The following NTRK3 variants were observed in gnomAD, a reference collection of about 807,000 sequenced individuals.
NTRK3 encodes the protein neurotrophic receptor tyrosine kinase 3, also known as NT-3 growth factor receptor.
In NTRK3, 24 loss-of-function variants were observed where a neutral mutation model predicts 91.7. The ratio of observed to expected loss-of-function variants is 0.26; its 90% confidence interval spans 0.19 to 0.37. NTRK3 has a LOEUF of 0.37. NTRK3 is among the 10% of genes least tolerant of loss of function. The pLI, the probability that NTRK3 is intolerant of heterozygous loss-of-function variation, is 1.00. For synonymous variants in NTRK3, 483 were observed against 404.0 expected, an observed-to-expected ratio of 1.20 and a Z score of -2.34; for missense variants, 880 against 1,068.9, an observed-to-expected ratio of 0.82 and a Z score of 2.46.
At chr15:88,087,299 T>C (rs963344490) in intron 13 of NTRK3, among the ~76,000 whole-genome samples, 24 of 151,990 alleles carry the variant, frequency 1.6e-4, no homozygotes, top group African/African-American at 5.6e-4. Context: ...CTCCACTAGG[T>C]CTTTCTCCCT....
In NTRK3 at chr15:88,068,783, G is replaced by C. The variant is rs1049140802; in HGVS notation, c.1397-35738C>G. On this transcript the variant is annotated intron_variant, in intron 13 of 18. Coordinates refer to ENST00000394480, the Ensembl canonical transcript of NTRK3. ...AAGCAGGCAGAGCAAGAAGGGCAAG[G>C]AGGGAGCAGATTTTGGGGCTCCAGG... is the stretch of plus-strand genomic sequence containing the variant. Among the ~76,000 whole-genome samples, 5 of 152,138 alleles carry C rather than the reference G, an allele frequency of 3.3e-5. No individual in the cohort carries two copies. The East Asian group carries it at 5.8e-4, about 18-fold the overall frequency.
chr15:88,018,544 G>A (rs1450615011), intron 14 of NTRK3, among the ~76,000 whole-genome samples: 1 of 152,104 alleles, frequency 6.6e-6, no homozygotes, highest in Non-Finnish European at 1.5e-5. Context: ...GTAAAGTGGG[G>A]AACACTACAC....
chr15:87,940,673 C>T (rs371770675), exon 15 of NTRK3: 13 of 1,614,004 alleles, frequency 8.1e-6, no homozygotes, highest in Non-Finnish European at 1.1e-5. Flanking sequence ...TTGTAGCACT[C>T]GGCCAGGAAG....
At chr15:88,047,621 C>G (rs2080349861) in intron 13 of NTRK3, among the ~76,000 whole-genome samples, 1 of 152,188 alleles carries the variant, frequency 6.6e-6, no homozygotes, top group Non-Finnish European at 1.5e-5. Context: ...TCTGTTTCTT[C>G]ATGCATCCAT....
rs114313123 is a variant in NTRK3 at position 88,097,449 on chromosome 15, T to C, written c.1396+28822A>G. On this transcript the variant is annotated intron_variant, in intron 13 of 18. Coordinates refer to ENST00000394480, the Ensembl canonical transcript of NTRK3. ...CAAGAAGAGGAATGGGAAGAGATAGTCTCATACACTGATAGAGGCTTTGTT... is the reference window on the plus strand; with the variant it reads ...CAAGAAGAGGAATGGGAAGAGATAGCCTCATACACTGATAGAGGCTTTGTT... 8.8e-3 allele frequency among the ~76,000 whole-genome samples: 1,341 copies of C among 152,288 alleles called. 17 individuals are homozygous for C. The highest frequency in any genetic ancestry group is 0.029 in the African/African-American group (1,190 of 41,560).
chr15:88,086,481 A>G (rs937930362), intron 13 of NTRK3, among the ~76,000 whole-genome samples: 38 of 146,766 alleles, frequency 2.6e-4, no homozygotes, highest in African/African-American at 9.9e-4. Flanking sequence ...GCTAAAATAC[A>G]TAATTAGAAT....
intron 14 of NTRK3, among the ~76,000 whole-genome samples, chr15:88,007,322 T>G (rs1248840837): frequency 2.6e-5 from 4 of 152,188 alleles, no homozygotes; most frequent in Non-Finnish European, 5.9e-5. Context: ...GTGCCCAGCA[T>G]CAAATCCTGC....
At chr15:88,174,927 T>C (rs915907045) in intron 5 of NTRK3, among the ~76,000 whole-genome samples, 1 of 152,218 alleles carries the variant, frequency 6.6e-6, no homozygotes, top group African/African-American at 2.4e-5. Context: ...TAGCCACTGA[T>C]GAAGAACCAC....
intron 5 of NTRK3, among the ~76,000 whole-genome samples, chr15:88,177,152 T>G (rs751286503): frequency 6.6e-6 from 1 of 151,984 alleles, no homozygotes; most frequent in South Asian, 2.1e-4. Context: ...ACAAGACAAT[T>G]AGAGAGGGAG....
chr15:88,101,497 C>G (rs1209369055), intron 13 of NTRK3, among the ~76,000 whole-genome samples: 1 of 152,194 alleles, frequency 6.6e-6, no homozygotes, highest in African/African-American at 2.4e-5. Flanking sequence ...TACCATTTGA[C>G]CCAGCCATCC....
chr15:88,234,139 C>A lies in NTRK3; in HGVS notation c.248+21767G>T, dbSNP rs1359300632. ...AGGCCAGCCTGCCAGGCAGCCTGGACCTTCAGTCAGGAGACGATGGACAGC... is the reference window on the plus strand; with the variant it reads ...AGGCCAGCCTGCCAGGCAGCCTGGAACTTCAGTCAGGAGACGATGGACAGC... On this transcript the variant is annotated intron_variant, in intron 3 of 18. Transcript: ENST00000394480. The surrounding 1 kb of genome is among the most constrained non-coding windows in gnomAD (Gnocchi z 6.1). 3.3e-5 allele frequency among the ~76,000 whole-genome samples: 5 copies of A among 152,000 alleles called. No homozygotes were observed. Among genetic ancestry groups the A allele is most frequent in the Non-Finnish European group, 7.4e-5 (5 of 67,998 alleles).
intron 3 of NTRK3, among the ~76,000 whole-genome samples, chr15:88,224,433 G>T (rs1226103631): frequency 6.6e-6 from 1 of 152,194 alleles, no homozygotes; most frequent in East Asian, 1.9e-4. Context: ...AACAAGCTGG[G>T]TCTAAATACT....
chr15:88,033,176 TTATATATATATATATA>T (rs149279639), intron 13 of NTRK3, 131 bp from the exon 14 acceptor site: 17,368 of 195,886 alleles, frequency 0.089, 1,637 homozygotes, highest in African/African-American at 0.14. Context: ...GGGGGGTGTG[TTATATATATATATATA>T]TATATATATA....
chr15:88,072,514 G>A (rs185490393), intron 13 of NTRK3: 34 of 232,180 alleles, frequency 1.5e-4, no homozygotes, highest in Admixed American at 5.1e-4. Context: ...TCTTCTTTCC[G>A]TTGTTGTTTT....
chr15:88,150,906 A>C (rs1305919225), intron 5 of NTRK3, among the ~76,000 whole-genome samples: 2 of 152,112 alleles, frequency 1.3e-5, no homozygotes, highest in African/African-American at 4.8e-5. Flanking sequence ...ACCCACTCGG[A>C]ACTCATTGCC....
intron 13 of NTRK3, among the ~76,000 whole-genome samples, chr15:88,042,137 AG>A (rs2142146678): frequency 6.6e-6 from 1 of 152,340 alleles, no homozygotes; most frequent in East Asian, 1.9e-4. Flanking sequence ...CTGGTGGGCG[AG>A]AGCTTCGCAT....
At chr15:88,136,308 T>C (rs2041871117) in intron 8 of NTRK3, among the ~76,000 whole-genome samples, 159 bp downstream of exon 8, 1 of 152,228 alleles carries the variant, frequency 6.6e-6, no homozygotes, top group Admixed American at 6.5e-5. Context: ...TTGAGTAGCA[T>C]GTATAGAGCG....
At chr15:87,961,410 C>T (rs748492583) in intron 14 of NTRK3, among the ~76,000 whole-genome samples, 1 of 152,238 alleles carries the variant, frequency 6.6e-6, no homozygotes, top group Non-Finnish European at 1.5e-5. Context: ...TCCAAAGAAT[C>T]TGGAGACACT....
At chr15:88,210,680 G>C (rs891554153) in intron 3 of NTRK3, among the ~76,000 whole-genome samples, 11 of 152,050 alleles carry the variant, frequency 7.2e-5, no homozygotes, top group African/African-American at 2.7e-4. Flanking sequence ...TAAGTTTACA[G>C]AGTCTTTAGA....
Sources: allele counts gnomAD v4.1 joint callset (sites outside exome capture counted in the v4.1 genomes callset), GRCh38; gene constraint gnomAD v4.1.1; non-coding constraint Gnocchi (gnomAD v3.1); transcripts MANE v1.5; gene names NCBI Gene and HGNC (gene_info 2026-07-23, HGNC 2026-07-21).